Variants in EYS observed in about 807,000 individuals in gnomAD.
EYS encodes EGF-like photoreceptor maintenance factor.
Under a neutral mutation model 282.1 loss-of-function variants are expected in EYS, and 250 were observed. The ratio of observed to expected loss-of-function variants is 0.89; its 90% CI spans 0.80 to 0.98. The LOEUF (loss-of-function observed/expected upper bound fraction) is 0.98. Among genes scored for constraint, EYS ranks in the 50% least tolerant of loss-of-function variants. The probability of loss-of-function intolerance (pLI) is 0.00; values close to 1 mark genes in which losing one functional copy is unlikely to be tolerated. For missense variants in EYS, 4,016 were observed against 3,709.0 expected, an observed-to-expected ratio of 1.08 and a Z score of -2.15; for synonymous variants, 1,355 against 1,282.9, an observed-to-expected ratio of 1.06 and a Z score of -1.20.
intron 34 of EYS, among the ~76,000 whole-genome samples, chr6:63,998,492 G>A (rs1177932521): frequency 6.6e-6 from 1 of 152,106 alleles, no homozygotes. Flanking sequence ...ATGATCAAAT[G>A]AACTAGGAAT....
intron 33 of EYS, among the ~76,000 whole-genome samples, chr6:64,034,222 G>A (rs1055038391): frequency 6.6e-6 from 1 of 152,116 alleles, no homozygotes; most frequent in Non-Finnish European, 1.5e-5. Context: ...GCAATAAAAA[G>A]TGATAATACA....
At chr6:63,980,960 A>G (rs1484277319) in intron 35 of EYS, among the ~76,000 whole-genome samples, 1 of 151,904 alleles carries the variant, frequency 6.6e-6, no homozygotes, top group Admixed American at 6.6e-5. Flanking sequence ...CCATTTTGTC[A>G]GAATCAGAAT....
intron 2 of EYS, among the ~76,000 whole-genome samples, chr6:65,609,992 T>C (rs1374557629): frequency 6.6e-6 from 1 of 152,106 alleles, no homozygotes; most frequent in Non-Finnish European, 1.5e-5. Context: ...CTTGAACTCC[T>C]GGGCTCAAGT....
chr6:64,834,416 A>G (rs981225246), intron 19 of EYS, among the ~76,000 whole-genome samples: 1 of 151,822 alleles, frequency 6.6e-6, no homozygotes, highest in African/African-American at 2.4e-5. Context: ...TGAAATTAAT[A>G]TAATGTCTAC....
chr6:65,490,574 T>C lies in EYS; in HGVS notation c.862+20A>G, dbSNP rs371205048. 2.6e-4 allele frequency: 323 copies of C among 1,252,672 alleles called. 2 individuals are homozygous for C. The highest frequency in any genetic ancestry group is 3.6e-4 in the Non-Finnish European group (310 of 851,120). The allele number at this position is 1,252,672 out of a possible 1,614,324, so 77.6% of individuals were successfully genotyped here. A position where few individuals can be genotyped will look rare whatever the true frequency, so the allele number is the denominator to read the frequency against. On this transcript the variant is annotated intron_variant, in intron 5 of 42. Coordinates refer to ENST00000503581, the MANE Select transcript of EYS (RefSeq NM_001142800.2). The stretch of plus-strand genomic sequence containing the variant: ...TTAAAGTTACTTGTGTATATGGTTG[T>C]ATACATATGCATTTTTTACCTGAAA...
intron 22 of EYS, among the ~76,000 whole-genome samples, chr6:64,701,143 G>A (rs1770772208): frequency 6.6e-6 from 1 of 152,052 alleles, no homozygotes; most frequent in African/African-American, 2.4e-5. Context: ...TTCAATAAAT[G>A]GTGCTGGCCG....
chr6:65,392,173 A>G (rs1394124352), intron 7 of EYS, among the ~76,000 whole-genome samples: 1 of 151,978 alleles, frequency 6.6e-6, no homozygotes, highest in Non-Finnish European at 1.5e-5. Flanking sequence ...AATCAATTCA[A>G]GATGGATTAA....
intron 12 of EYS, among the ~76,000 whole-genome samples, chr6:65,092,823 G>T (rs1023500546): frequency 1.3e-5 from 2 of 152,094 alleles, no homozygotes; most frequent in African/African-American, 4.8e-5. Context: ...AAAGCCTAAG[G>T]TTCTTTTGAG....
chr6:64,308,949 G>A (rs1769565017), intron 29 of EYS, among the ~76,000 whole-genome samples: 1 of 151,914 alleles, frequency 6.6e-6, no homozygotes, highest in African/African-American at 2.4e-5. Flanking sequence ...AGTTTCTCTA[G>A]CTTTATTAAT....
rs571466977 is a variant in EYS, at chr6:64,153,816, A to G, written c.6425-71814T>C. Among the ~76,000 whole-genome samples, 10 of 152,348 alleles carry G rather than the reference A, an allele frequency of 6.6e-5. No individual in the cohort carries two copies. The South Asian group carries it at 1.9e-3, about 28-fold the overall frequency. On this transcript the variant is annotated intron_variant, in intron 31 of 42. Transcript: ENST00000503581. ...AGTTATACATGTTAGAAAAATCTTT[A>G]CACATGTGCACAAAGACACCTTTAC...
chr6:64,655,127 T>C (rs559984702), intron 22 of EYS, among the ~76,000 whole-genome samples: 1 of 152,246 alleles, frequency 6.6e-6, no homozygotes, highest in Admixed American at 6.6e-5. Flanking sequence ...CCTCTTCCTC[T>C]TAACCCCCAC....
intron 30 of EYS, among the ~76,000 whole-genome samples, chr6:64,254,232 AG>A (rs563165594): frequency 3.9e-4 from 60 of 152,208 alleles, no homozygotes; most frequent in Admixed American, 2.4e-3. Flanking sequence ...ATTTCTCAGG[AG>A]GACATGTTCG....
chr6:65,611,588 C>A (rs1582517082), intron 2 of EYS, among the ~76,000 whole-genome samples: 1 of 152,026 alleles, frequency 6.6e-6, no homozygotes, highest in African/African-American at 2.4e-5. Flanking sequence ...ATTGATTGAT[C>A]AGAGACAGTT....
At chr6:64,176,526 T>TG (rs1491503184) in intron 31 of EYS, among the ~76,000 whole-genome samples, 156 of 151,986 alleles carry the variant, frequency 1.0e-3, no homozygotes, top group African/African-American at 3.6e-3. Flanking sequence ...TGTGTGTGTG[T>TG]TTGTGTATGT....
Position 65,494,846 on chromosome 6 carries a change from A to C in EYS, c.565T>G (p.Cys189Gly). Residue 189 changes from cysteine (C) to glycine (G), a missense_variant, in exon 4 of 43, where the codon TGT becomes GGT. Transcript: ENST00000503581. Reference protein sequence around the residue: ...SSEFCSGHGKCLSEAWSKTYS... With the variant: ...SSEFCSGHGKGLSEAWSKTYS... ...GTCTTGCTCCAAGCTTCACTAAGAC[A>C]TTTACCATGACCAGAGCAAAATTCT... The C allele has an allele frequency of 6.2e-7, 1 of 1,614,162 alleles. No homozygotes were observed. The highest frequency in any genetic ancestry group is 8.5e-7 in the Non-Finnish European group (1 of 1,180,014).
chr6:65,153,835 G>A (rs1764674185), intron 12 of EYS, among the ~76,000 whole-genome samples: 1 of 151,672 alleles, frequency 6.6e-6, no homozygotes, highest in Non-Finnish European at 1.5e-5. Flanking sequence ...TGCACTCTCT[G>A]GCTTTAAAAT....
chr6:65,329,503 G>A, intron 11 of EYS: 17 of 979,122 alleles, frequency 1.7e-5, no homozygotes, highest in Non-Finnish European at 1.9e-5. Flanking sequence ...ACTTGATCTA[G>A]TGGTTTCAAG....
chr6:64,406,999 CAT>C (rs561816568), intron 28 of EYS, among the ~76,000 whole-genome samples: 2 of 152,294 alleles, frequency 1.3e-5, no homozygotes, highest in South Asian at 4.1e-4. Context: ...CACATGCACA[CAT>C]ATGTTCATTG....
chr6:64,349,521 G>A (rs761889913), intron 29 of EYS, among the ~76,000 whole-genome samples: 21 of 151,270 alleles, frequency 1.4e-4, no homozygotes, highest in Non-Finnish European at 2.8e-4. Context: ...AATTTAGTCT[G>A]TGATATTGTT....
Sources: gnomAD v4.1 joint callset for allele counts (sites outside exome capture counted in the v4.1 genomes callset) on GRCh38, gnomAD v4.1.1 for gene constraint, MANE v1.5 for transcripts, NCBI Gene and HGNC (gene_info 2026-07-23, HGNC 2026-07-21) for gene names.